SLC4A10: variants seen among roughly 807,000 people sequenced by gnomAD.
SLC4A10 encodes the protein sodium-driven chloride bicarbonate exchanger.
SLC4A10 carries 42 observed loss-of-function variants against 137.7 expected under a neutral mutation model. The ratio of observed to expected loss-of-function variants is 0.30; its 90% CI spans 0.24 to 0.39. SLC4A10 has a LOEUF of 0.39. Ranked by LOEUF, SLC4A10 falls within the 10% of genes least tolerant of loss-of-function variation. The pLI is 1.00. For missense variants in SLC4A10, 925 were observed against 1,355.0 expected, an observed-to-expected ratio of 0.68 and a Z score of 4.98; for synonymous variants, 474 against 464.1, an observed-to-expected ratio of 1.02 and a Z score of -0.27.
At chr2:161,899,443 T>G (rs1164156369) in intron 11 of SLC4A10, among the ~76,000 whole-genome samples, 1 of 152,048 alleles carries the variant, frequency 6.6e-6, no homozygotes, top group Non-Finnish European at 1.5e-5. Context: ...ACCATTTCAC[T>G]AAAATACATA....
intron 19 of SLC4A10, 66 bp downstream of exon 19, chr2:161,950,914 A>T (rs1694687256): frequency 7.7e-7 from 1 of 1,305,126 alleles, no homozygotes; most frequent in Non-Finnish European, 1.1e-6. Flanking sequence ...TGTTCATTTG[A>T]CTTCTATATT....
At chr2:161,675,666 A>G (rs2040202978) in intron 1 of SLC4A10, among the ~76,000 whole-genome samples, 1 of 152,170 alleles carries the variant, frequency 6.6e-6, no homozygotes, top group Non-Finnish European at 1.5e-5. Context: ...AAAACCTTAA[A>G]GAATTATATA....
intron 15 of SLC4A10, among the ~76,000 whole-genome samples, chr2:161,936,066 T>C (rs1160460973): frequency 1.3e-5 from 2 of 152,172 alleles, no homozygotes; most frequent in Non-Finnish European, 2.9e-5. Context: ...TTCTTTATTA[T>C]ATTAATGTAG....
intron 1 of SLC4A10, among the ~76,000 whole-genome samples, chr2:161,753,329 G>T (rs534415710): frequency 3.4e-4 from 51 of 152,148 alleles, no homozygotes; most frequent in Non-Finnish European, 7.1e-4. Flanking sequence ...TTATGTGTGT[G>T]CTGATCACAC....
intron 1 of SLC4A10, among the ~76,000 whole-genome samples, chr2:161,676,633 T>G (rs2040304213): frequency 6.6e-6 from 1 of 152,206 alleles, no homozygotes; most frequent in African/African-American, 2.4e-5. Flanking sequence ...TGGGTGTAAT[T>G]ATTACAAAAT....
Position 161,942,780 on chromosome 2 carries a change from T to C in SLC4A10, c.1998-12T>C. 6.3e-7 allele frequency: 1 copy of C among 1,580,808 alleles called. No individual in the cohort carries two copies. The highest frequency in any genetic ancestry group is 8.6e-7 in the Non-Finnish European group (1 of 1,159,690). ...TACTTATTTCACAAAAGACACTATT[T>C]TGCCTTTTCAGGTGTAACTGTGTGG... On this transcript the variant is annotated splice_polypyrimidine_tract_variant and intron_variant, in intron 15 of 26. Coordinates refer to ENST00000446997, the MANE Select transcript of SLC4A10 (RefSeq NM_001178015.2).
intron 2 of SLC4A10, among the ~76,000 whole-genome samples, chr2:161,798,483 A>G (rs1282664342): frequency 6.6e-6 from 1 of 151,902 alleles, no homozygotes; most frequent in African/African-American, 2.4e-5. Context: ...CATTCAGTAT[A>G]CTGTGACCAT....
intron 1 of SLC4A10, among the ~76,000 whole-genome samples, chr2:161,653,054 A>C (rs2037024955): frequency 1.3e-5 from 2 of 151,826 alleles, no homozygotes; most frequent in African/African-American, 2.4e-5. Flanking sequence ...CCCTGCATCC[A>C]TGTTTTCTCA....
intron 3 of SLC4A10, among the ~76,000 whole-genome samples, 196 bp downstream of exon 3, chr2:161,804,791 A>C (rs2055750787): frequency 1.3e-5 from 2 of 152,192 alleles, no homozygotes; most frequent in African/African-American, 4.8e-5. Context: ...TGAGAAGCTG[A>C]GAATTGATGA....
intron 1 of SLC4A10, among the ~76,000 whole-genome samples, chr2:161,746,355 C>A (rs1335644680): frequency 1.3e-5 from 2 of 151,608 alleles, no homozygotes; most frequent in Admixed American, 6.6e-5. Flanking sequence ...TGAGTCTCTT[C>A]CTGTGGCCAC....
chr2:161,839,959 C>T, intron 4 of SLC4A10, 32 bp downstream of exon 4: 1 of 1,608,116 alleles, frequency 6.2e-7, no homozygotes. Flanking sequence ...TGAAGGTATA[C>T]TAAAGAATTT....
intron 19 of SLC4A10, among the ~76,000 whole-genome samples, chr2:161,951,129 A>C (rs1180489438): frequency 6.6e-6 from 1 of 152,186 alleles, no homozygotes; most frequent in Non-Finnish European, 1.5e-5. Flanking sequence ...ACATATTTTA[A>C]TGAAATAACA....
intron 10 of SLC4A10, among the ~76,000 whole-genome samples, chr2:161,888,787 C>A (rs1157098371): frequency 4.6e-5 from 7 of 152,034 alleles, no homozygotes. Flanking sequence ...TCCTTCTCTT[C>A]CCTGGTTGTC....
chr2:161,978,160 G>A (rs1032835147), intron 26 of SLC4A10, among the ~76,000 whole-genome samples: 2 of 151,970 alleles, frequency 1.3e-5, no homozygotes, highest in East Asian at 1.9e-4. Context: ...CAAGGTGAGC[G>A]GATCACTTGA....
chr2:161,932,676 A>G (rs2105648650), intron 15 of SLC4A10, among the ~76,000 whole-genome samples: 1 of 152,258 alleles, frequency 6.6e-6, no homozygotes, highest in East Asian at 1.9e-4. Flanking sequence ...GAACTTCAGG[A>G]TTCACCTGAT....
intron 5 of SLC4A10, among the ~76,000 whole-genome samples, chr2:161,855,336 C>G (rs545956299): frequency 1.4e-3 from 208 of 152,182 alleles, no homozygotes; most frequent in African/African-American, 3.9e-3. Flanking sequence ...TTGGCAGTGC[C>G]AAGTCTAGGA....
intron 21 of SLC4A10, among the ~76,000 whole-genome samples, chr2:161,960,113 C>A (rs1223303219): frequency 3.3e-5 from 5 of 151,880 alleles, no homozygotes. Flanking sequence ...TGCCTGTAAT[C>A]CCAGCACTTT....
At chr2:161,814,456 A>C (rs1006222289) in intron 3 of SLC4A10, among the ~76,000 whole-genome samples, 1 of 152,112 alleles carries the variant, frequency 6.6e-6, no homozygotes. Context: ...GAATCATTCT[A>C]TCAAAAGGCA....
chr2:161,946,273 G>T (rs1271602172), intron 16 of SLC4A10, among the ~76,000 whole-genome samples: 2 of 151,976 alleles, frequency 1.3e-5, no homozygotes, highest in Non-Finnish European at 2.9e-5. Context: ...CAATAATAAG[G>T]TGTATTAACT....
Sources: gnomAD v4.1 joint callset for allele counts (sites outside exome capture counted in the v4.1 genomes callset) on GRCh38, gnomAD v4.1.1 for gene constraint, MANE v1.5 for transcripts, NCBI Gene and HGNC (gene_info 2026-07-23, HGNC 2026-07-21) for gene names.